The following KHDRBS2 variants were observed in gnomAD, a reference collection of about 807,000 sequenced individuals.
KHDRBS2 encodes KH RNA binding domain containing, signal transduction associated 2, also known as KH domain-containing, RNA-binding, signal transduction-associated protein 2.
Under a neutral mutation model 44.3 loss-of-function variants are expected in KHDRBS2, and 26 were observed. The observed-to-expected ratio is 0.59, with a 90% CI of 0.43 to 0.81. KHDRBS2 has a LOEUF of 0.81. Ranked by LOEUF, KHDRBS2 falls within the 40% of genes least tolerant of loss-of-function variation. The pLI, the probability that KHDRBS2 is intolerant of heterozygous loss-of-function variation, is 0.00. For synonymous variants in KHDRBS2, 194 were observed against 151.1 expected (o/e 1.28, Z -2.08); for missense variants, 476 against 433.1 (o/e 1.10, Z -0.88).
At position 61,732,556 on chromosome 6, in the gene KHDRBS2, C is replaced by T. The variant is rs946244127; in HGVS notation, c.893+126G>A. The T allele has an allele frequency of 4.0e-5, 26 of 655,796 alleles. 1 individual carries two copies. The highest frequency in any genetic ancestry group is 7.1e-5 in the Non-Finnish European group (26 of 366,112). 40.6% of individuals were successfully genotyped at this position (655,796 alleles called of 1,614,324 possible). ...CAGTCTGGTAAGCAACTTGATAATT[C>T]AGAAAGATAATGGAGAAAAAACACT... On this transcript the variant is annotated intron_variant, in intron 7 of 8. Coordinates refer to ENST00000281156, the MANE Select transcript of KHDRBS2 (RefSeq NM_152688.4).
At chr6:61,554,702 C>T in the KHDRBS2 span, among the ~76,000 whole-genome samples, 14 of 152,152 alleles carry the variant, frequency 9.2e-5, no homozygotes, top group East Asian at 1.9e-4. Context: ...AGGCAAATCT[C>T]GTGACAGCAA....
chr6:61,588,653 A>T, the KHDRBS2 span, among the ~76,000 whole-genome samples: 3 of 152,202 alleles, frequency 2.0e-5, no homozygotes, highest in Admixed American at 2.0e-4. Context: ...CTGGACATAC[A>T]TGGTGGCACA....
At chr6:61,573,089 G>T in the KHDRBS2 span, among the ~76,000 whole-genome samples, 2 of 152,074 alleles carry the variant, frequency 1.3e-5, no homozygotes, top group African/African-American at 2.4e-5. Context: ...CAGCCAAAAA[G>T]CTCCTAGATC....
chr6:62,109,624 G>C (rs1804522969), intron 2 of KHDRBS2, among the ~76,000 whole-genome samples: 1 of 151,920 alleles, frequency 6.6e-6, no homozygotes, highest in African/African-American at 2.4e-5. Flanking sequence ...AGATCATATA[G>C]TGGCAATGAA....
chr6:61,981,713 C>G (rs1016259087), intron 3 of KHDRBS2, among the ~76,000 whole-genome samples: 2 of 151,862 alleles, frequency 1.3e-5, no homozygotes, highest in African/African-American at 4.8e-5. Context: ...TCAGAGAGCC[C>G]CTGGAAAATC....
At chr6:62,243,659 CAG>C (rs1286979932) in intron 1 of KHDRBS2, among the ~76,000 whole-genome samples, 15 of 148,780 alleles carry the variant, frequency 1.0e-4, no homozygotes, top group Admixed American at 1.0e-3. Flanking sequence ...CGCTAGAAAA[CAG>C]AATTGCTGTA....
intron 2 of KHDRBS2, among the ~76,000 whole-genome samples, chr6:62,127,497 A>T (rs1809246757): frequency 6.6e-6 from 1 of 152,108 alleles, no homozygotes; most frequent in African/African-American, 2.4e-5. Flanking sequence ...AATCTCAATA[A>T]TATATTAATA....
chr6:61,581,579 C>CACAATAT, the KHDRBS2 span, among the ~76,000 whole-genome samples: 4 of 145,066 alleles, frequency 2.8e-5, no homozygotes, highest in East Asian at 7.9e-4. Flanking sequence ...ATATACAATA[C>CACAATAT]ACAATATACA....
intron 1 of KHDRBS2, among the ~76,000 whole-genome samples, chr6:62,273,756 C>T (rs1840464579): frequency 6.6e-6 from 1 of 152,140 alleles, no homozygotes; most frequent in African/African-American, 2.4e-5. Context: ...TTTACTTGAA[C>T]ACTTCACAGT....
At chr6:61,571,907 G>A in the KHDRBS2 span, among the ~76,000 whole-genome samples, 1 of 151,812 alleles carries the variant, frequency 6.6e-6, no homozygotes, top group African/African-American at 2.4e-5. Context: ...CACATCTCAA[G>A]GAATTAGAGA....
intron 4 of KHDRBS2, among the ~76,000 whole-genome samples, chr6:61,936,504 C>G (rs765695395): frequency 6.6e-6 from 1 of 151,656 alleles, no homozygotes; most frequent in Non-Finnish European, 1.5e-5. Context: ...TCTCATTATT[C>G]TTTTTAAGTT....
intron 6 of KHDRBS2, among the ~76,000 whole-genome samples, chr6:61,857,076 T>C (rs1248594379): frequency 6.6e-6 from 1 of 152,062 alleles, no homozygotes; most frequent in Non-Finnish European, 1.5e-5. Flanking sequence ...TAATCATATA[T>C]TCATAGTAAT....
the KHDRBS2 span, among the ~76,000 whole-genome samples, chr6:61,564,003 A>G: frequency 6.6e-6 from 1 of 152,062 alleles, no homozygotes; most frequent in Non-Finnish European, 1.5e-5. Flanking sequence ...TTTTCATGTA[A>G]TACTCATCAT....
chr6:61,659,821 C>T, the KHDRBS2 span, among the ~76,000 whole-genome samples: 1 of 151,726 alleles, frequency 6.6e-6, no homozygotes. Context: ...GTCAGACCTT[C>T]GTCTGGATTA....
chr6:61,899,739 C>A (rs1803597083), intron 5 of KHDRBS2, among the ~76,000 whole-genome samples: 1 of 140,234 alleles, frequency 7.1e-6, no homozygotes, highest in African/African-American at 2.5e-5. Flanking sequence ...TAATGCCCCC[C>A]CCCCGCATTT....
the KHDRBS2 span, among the ~76,000 whole-genome samples, chr6:61,551,162 G>A: frequency 6.6e-6 from 1 of 152,238 alleles, no homozygotes. Context: ...CCACATGTAT[G>A]TCTTCTTTTG....
At chr6:61,614,992 G>T in the KHDRBS2 span, among the ~76,000 whole-genome samples, 1 of 151,956 alleles carries the variant, frequency 6.6e-6, no homozygotes, top group Non-Finnish European at 1.5e-5. Context: ...CCAGCACGTT[G>T]GGAGACTGAG....
intron 6 of KHDRBS2, among the ~76,000 whole-genome samples, chr6:61,758,184 A>G (rs1235842718): frequency 1.3e-5 from 2 of 152,078 alleles, no homozygotes; most frequent in Non-Finnish European, 2.9e-5. Flanking sequence ...AAACTGGGGA[A>G]ATTGTAGGGC....
At chr6:61,861,113 G>C (rs1796898171) in intron 6 of KHDRBS2, among the ~76,000 whole-genome samples, 1 of 152,016 alleles carries the variant, frequency 6.6e-6, no homozygotes, top group Non-Finnish European at 1.5e-5. Context: ...CTGGATATTA[G>C]ACCTTTGCTG....
Sources: gnomAD v4.1 joint callset for allele counts (sites outside exome capture counted in the v4.1 genomes callset) on GRCh38, gnomAD v4.1.1 for gene constraint, MANE v1.5 for transcripts, NCBI Gene and HGNC (gene_info 2026-07-23, HGNC 2026-07-21) for gene names.